The following TTC28 variants were observed in gnomAD, a reference collection of about 807,000 sequenced individuals.
The protein encoded by TTC28 is tetratricopeptide repeat domain 28.
In TTC28, 61 loss-of-function variants were observed where a neutral mutation model predicts 198.0. The ratio of observed to expected loss-of-function variants is 0.31; its 90% CI spans 0.25 to 0.38. The LOEUF (loss-of-function observed/expected upper bound fraction) is 0.38. Ranked by LOEUF, TTC28 falls within the 10% of genes least tolerant of loss-of-function variation. The pLI, the probability that TTC28 is intolerant of heterozygous loss-of-function variation, is 1.00. For synonymous variants in TTC28, 1,171 were observed against 1,297.8 expected (o/e 0.90, Z 2.10); for missense variants, 2,678 against 3,164.0 (o/e 0.85, Z 3.69).
intron 2 of TTC28, among the ~76,000 whole-genome samples, chr22:28,489,272 AGAT>A (rs758710380): frequency 8.8e-5 from 13 of 147,772 alleles, no homozygotes; most frequent in Non-Finnish European, 1.8e-4. Context: ...TGACAGAGCA[AGAT>A]CCTATCTCTA....
chr22:28,040,829 A>G (rs1206118509), intron 12 of TTC28, among the ~76,000 whole-genome samples: 1 of 152,224 alleles, frequency 6.6e-6, no homozygotes, highest in Non-Finnish European at 1.5e-5. Flanking sequence ...TTGTATATTT[A>G]GAAAACCCCA....
chr22:28,378,228 C>A (rs1199272536), intron 2 of TTC28, among the ~76,000 whole-genome samples: 1 of 150,192 alleles, frequency 6.7e-6, no homozygotes, highest in African/African-American at 2.5e-5. Context: ...CACCTGTAAT[C>A]TCAGCTGCTT....
At chr22:28,220,058 G>A (rs565241038) in intron 5 of TTC28, among the ~76,000 whole-genome samples, 41 of 152,186 alleles carry the variant, frequency 2.7e-4, no homozygotes, top group African/African-American at 9.2e-4. Flanking sequence ...CTTTATCTAG[G>A]ACACCTGTTT....
At chr22:28,443,330 C>G (rs1180283534) in intron 2 of TTC28, among the ~76,000 whole-genome samples, 2 of 152,162 alleles carry the variant, frequency 1.3e-5, no homozygotes, top group Non-Finnish European at 2.9e-5. Context: ...CTCCTCTTCT[C>G]AAAAAAGATT....
chr22:28,644,843 A>T (rs1239330500), intron 1 of TTC28, among the ~76,000 whole-genome samples: 1 of 151,680 alleles, frequency 6.6e-6, no homozygotes, highest in Non-Finnish European at 1.5e-5. Context: ...CTAAATTAAA[A>T]TTTTTTAAAT....
Position 28,167,801 on chromosome 22 carries a change from G to T in TTC28, c.934-4202C>A, listed in dbSNP as rs565412493. ...TCTCTCACCACTCCTATTCAACACA[G>T]TGTTGGAAGTTCTGGCCAGGGCAAT... is the stretch of plus-strand genomic sequence containing the variant. On this transcript the variant is annotated intron_variant, in intron 5 of 22. Transcript: ENST00000397906. Among the ~76,000 whole-genome samples the T allele has an allele frequency of 6.6e-5, 10 of 152,260 alleles. No individual in the cohort carries two copies. The East Asian group carries it at 1.9e-3, about 29-fold the overall frequency.
At chr22:28,610,558 G>A (rs140558346) in intron 2 of TTC28, among the ~76,000 whole-genome samples, 4 of 151,874 alleles carry the variant, frequency 2.6e-5, no homozygotes, top group Non-Finnish European at 4.4e-5. Flanking sequence ...AAAAAAGGAC[G>A]TCCACTTGGA....
intron 2 of TTC28, among the ~76,000 whole-genome samples, chr22:28,626,316 A>C (rs2051076054): frequency 1.3e-5 from 2 of 152,110 alleles, no homozygotes; most frequent in African/African-American, 4.8e-5. Flanking sequence ...ATGTATAAAA[A>C]ATTCTCCATC....
chr22:28,533,031 G>T (rs1036932989), intron 2 of TTC28, among the ~76,000 whole-genome samples: 1 of 152,004 alleles, frequency 6.6e-6, no homozygotes, highest in African/African-American at 2.4e-5. Flanking sequence ...ACTCCTATTC[G>T]ACATAGTGTT....
intron 8 of TTC28, among the ~76,000 whole-genome samples, chr22:28,103,261 C>A (rs893996102): frequency 2.6e-5 from 4 of 152,156 alleles, no homozygotes; most frequent in Non-Finnish European, 5.9e-5. Flanking sequence ...AGGAAAGTCA[C>A]CAAATTGATC....
chr22:28,395,276 C>T (rs900423161), intron 2 of TTC28, among the ~76,000 whole-genome samples: 3 of 152,224 alleles, frequency 2.0e-5, no homozygotes, highest in Non-Finnish European at 4.4e-5. Context: ...AATCTTCCTC[C>T]CTTCCTTTCT....
chr22:28,296,527 A>G (rs1441008548), intron 4 of TTC28, among the ~76,000 whole-genome samples, 199 bp from the exon 5 acceptor site: 2 of 152,198 alleles, frequency 1.3e-5, no homozygotes, highest in African/African-American at 4.8e-5. Context: ...TCTCTGGATA[A>G]CAACTGCTTT....
At chr22:28,062,656 T>A (rs953181476) in intron 12 of TTC28, among the ~76,000 whole-genome samples, 1 of 152,060 alleles carries the variant, frequency 6.6e-6, no homozygotes, top group Non-Finnish European at 1.5e-5. Context: ...TTTCTATTGA[T>A]CTATAAGTTC....
intron 2 of TTC28, among the ~76,000 whole-genome samples, chr22:28,625,397 T>C (rs1431320573): frequency 6.6e-6 from 1 of 152,220 alleles, no homozygotes; most frequent in African/African-American, 2.4e-5. Context: ...ATACATTGTA[T>C]TTCTATAGAT....
chr22:28,479,373 G>A (rs186936989), intron 2 of TTC28, among the ~76,000 whole-genome samples: 34 of 152,262 alleles, frequency 2.2e-4, no homozygotes, highest in African/African-American at 7.0e-4. Context: ...CTACAAACCC[G>A]TTATGGTGAC....
chr22:28,584,313 A>G (rs762115003), intron 2 of TTC28, among the ~76,000 whole-genome samples: 1 of 152,104 alleles, frequency 6.6e-6, no homozygotes, highest in Non-Finnish European at 1.5e-5. Context: ...CTCATTCAAA[A>G]TATTCATTTC....
intron 3 of TTC28, chr22:28,303,637 T>C (rs1436756594): frequency 6.6e-6 from 1 of 151,992 alleles, no homozygotes; most frequent in Admixed American, 6.6e-5. Context: ...AGAAATAAAA[T>C]CTTAACACTT....
chr22:28,333,319 CCT>C (rs1280292184), intron 2 of TTC28, among the ~76,000 whole-genome samples: 1 of 152,010 alleles, frequency 6.6e-6, no homozygotes, highest in Non-Finnish European at 1.5e-5. Flanking sequence ...CTCCTCTTCC[CCT>C]GAGAATGAGG....
chr22:28,399,317 G>GT (rs695621), intron 2 of TTC28, among the ~76,000 whole-genome samples: 27,682 of 121,880 alleles, frequency 0.23, 4,584 homozygotes, highest in East Asian at 0.33. Context: ...GACTAAAACT[G>GT]TTTTTTTTTT....
Sources: allele counts gnomAD v4.1 joint callset (sites outside exome capture counted in the v4.1 genomes callset), GRCh38; gene constraint gnomAD v4.1.1; transcripts MANE v1.5; gene names NCBI Gene and HGNC (gene_info 2026-07-23, HGNC 2026-07-21).